VPS41: variants seen among roughly 807,000 people sequenced by gnomAD.
The protein encoded by VPS41 is vacuolar protein sorting-associated protein 41 homolog.
A neutral mutation model predicts 130.9 loss-of-function variants in VPS41; 85 were observed. That is an observed-to-expected ratio of 0.65 (90% CI 0.55 to 0.78). The LOEUF (loss-of-function observed/expected upper bound fraction) is 0.78, where lower values mean the gene tolerates loss of function less well. Ranked by LOEUF, VPS41 falls within the 30% of genes least tolerant of loss-of-function variation. VPS41 has a pLI of 0.00. For synonymous variants in VPS41, 335 were observed against 332.9 expected (o/e 1.01, Z -0.07); for missense variants, 874 against 1,018.7 (o/e 0.86, Z 1.93).
intron 2 of VPS41, among the ~76,000 whole-genome samples, chr7:38,879,093 T>C (rs572828973): frequency 1.3e-5 from 2 of 152,180 alleles, no homozygotes; most frequent in Non-Finnish European, 2.9e-5. Context: ...AACTCAGCCC[T>C]GAAGACATGC....
chr7:38,885,772 T>C (rs928397018), intron 2 of VPS41, among the ~76,000 whole-genome samples: 9 of 152,076 alleles, frequency 5.9e-5, no homozygotes, highest in Admixed American at 3.3e-4. Flanking sequence ...ATTAGAAAAA[T>C]GTTTCAACAA....
chr7:38,798,285 AC>A (rs1784658916), intron 7 of VPS41, among the ~76,000 whole-genome samples: 1 of 151,980 alleles, frequency 6.6e-6, no homozygotes, highest in Non-Finnish European at 1.5e-5. Context: ...GCAGCTAAAA[AC>A]AATTATTTTT....
chr7:38,873,827 T>C (rs1786428116), intron 2 of VPS41, among the ~76,000 whole-genome samples: 1 of 152,188 alleles, frequency 6.6e-6, no homozygotes, highest in Admixed American at 6.5e-5. Flanking sequence ...AAAATAAATG[T>C]CACATCATGG....
intron 27 of VPS41, chr7:38,728,318 C>T (rs1200766389): frequency 2.9e-6 from 2 of 689,908 alleles, no homozygotes; most frequent in Non-Finnish European, 5.2e-6. Context: ...TTCCAATAAG[C>T]CTGCCAGGTG....
intron 22 of VPS41, among the ~76,000 whole-genome samples, chr7:38,748,281 T>C (rs528806374): frequency 1.3e-5 from 2 of 152,090 alleles, no homozygotes; most frequent in Non-Finnish European, 2.9e-5. Context: ...AGAATAATAA[T>C]AGAACTTGAG....
chr7:38,818,891 T>C (rs901848827), intron 6 of VPS41, among the ~76,000 whole-genome samples: 2 of 152,196 alleles, frequency 1.3e-5, no homozygotes, highest in African/African-American at 2.4e-5. Flanking sequence ...TAGATTCCTC[T>C]TCCTACAATG....
chr7:38,808,611 G>A (rs1784882152), intron 7 of VPS41, among the ~76,000 whole-genome samples: 2 of 152,306 alleles, frequency 1.3e-5, no homozygotes, highest in East Asian at 1.9e-4. Flanking sequence ...TCTTAAAAAT[G>A]TTCAGACGAT....
intron 16 of VPS41, among the ~76,000 whole-genome samples, chr7:38,764,426 G>A (rs970889688): frequency 1.3e-5 from 2 of 152,134 alleles, no homozygotes; most frequent in African/African-American, 2.4e-5. Flanking sequence ...GGTCTTGAGA[G>A]GAATTCTGAT....
intron 10 of VPS41, among the ~76,000 whole-genome samples, chr7:38,787,422 T>C (rs1007100291): frequency 6.6e-6 from 1 of 152,154 alleles, no homozygotes; most frequent in African/African-American, 2.4e-5. Context: ...CATAATCTAT[T>C]TTTAACAATG....
intron 13 of VPS41, among the ~76,000 whole-genome samples, chr7:38,771,584 G>A (rs562575829): frequency 6.6e-6 from 1 of 151,982 alleles, no homozygotes; most frequent in African/African-American, 2.4e-5. Context: ...ATACAACAAA[G>A]TCTCCTAGTC....
chr7:38,858,350 G>T (rs1041362776), intron 4 of VPS41, among the ~76,000 whole-genome samples: 2 of 152,158 alleles, frequency 1.3e-5, no homozygotes, highest in Non-Finnish European at 2.9e-5. Context: ...ACACTACAAA[G>T]AGTCTGTTTT....
rs1203662007 is a variant in VPS41 at position 38,854,340 on chromosome 7, C to T, written c.246+8205G>A. Among the ~76,000 whole-genome samples the T allele has an allele frequency of 3.9e-5, 6 of 152,090 alleles. No individual in the cohort carries two copies. In the East Asian group the frequency reaches 5.8e-4, roughly 15 times the overall value. On this transcript the variant is annotated intron_variant, in intron 4 of 28. Coordinates refer to ENST00000310301, the MANE Select transcript of VPS41 (RefSeq NM_014396.4). ...ACTACAGATGGTATTTGCTTCAGGT[C>T]GATAAGTGAGTACCATTAGACCAAG...
Position 38,756,904 on chromosome 7 carries a change from G to A in VPS41, c.1629C>T (p.Ile543=). The A allele has an allele frequency of 6.3e-7, 1 of 1,599,970 alleles. No homozygotes were observed. The highest frequency in any genetic ancestry group is 1.3e-5 in the African/African-American group (1 of 74,750). ...TAGAACTGAAAAGATTATGCTTGTG[G>A]ATCAACTGAAAAACGTCTTTATGTC... is the stretch of plus-strand genomic sequence containing the variant. ...TLRHKDVFQL[I]HKHNLFSSIK... is the part of the protein sequence containing the mutation. The change falls in exon 19 of 29, where the codon ATC becomes ATT. Residue 543 remains isoleucine (I), a synonymous_variant. Transcript: ENST00000310301.
intron 4 of VPS41, among the ~76,000 whole-genome samples, chr7:38,840,202 G>C (rs1280754245): frequency 1.3e-5 from 2 of 152,114 alleles, no homozygotes; most frequent in Non-Finnish European, 2.9e-5. Flanking sequence ...CCTCAGCATT[G>C]ACAACAACGA....
chr7:38,882,420 G>A (rs1786633166), intron 2 of VPS41, among the ~76,000 whole-genome samples: 1 of 152,180 alleles, frequency 6.6e-6, no homozygotes, highest in Non-Finnish European at 1.5e-5. Context: ...CAGGAATCAG[G>A]CCTCTTTATC....
chr7:38,796,292 G>A (rs1453640734), intron 8 of VPS41: 1 of 332,528 alleles, frequency 3.0e-6, no homozygotes, highest in Non-Finnish European at 5.9e-6. Flanking sequence ...AAGTTAAAAT[G>A]CAGCACTGAA....
intron 7 of VPS41, among the ~76,000 whole-genome samples, chr7:38,802,194 C>T (rs1195535134): frequency 3.3e-5 from 5 of 152,160 alleles, no homozygotes; most frequent in African/African-American, 9.7e-5. Context: ...TTCAGAGACA[C>T]GAACTGGCCA....
Position 38,821,257 on chromosome 7 carries a change from T to C in VPS41, c.330A>G (p.Val110=), listed in dbSNP as rs1199374039. Residue 110 remains valine (V), a synonymous_variant, in exon 6 of 29, where the codon GTA becomes GTG. Transcript: ENST00000310301. ...GVCSEDGKVQ[V]FGLYSGEEFH... is the part of the protein sequence containing the mutation. ...ATTCTTCTCCAGAATACAGTCCAAA[T>C]ACCTGCACCTACAAAGAAAATGGAT... is the stretch of plus-strand genomic sequence containing the variant. The C allele has an allele frequency of 4.3e-6, 7 of 1,613,234 alleles. No homozygotes were observed. Among genetic ancestry groups the C allele is most frequent in the Non-Finnish European group, 5.9e-6 (7 of 1,179,418 alleles).
rs373175541 is a variant in VPS41, at chr7:38,852,515, A to T, written c.246+10030T>A. On this transcript the variant is annotated intron_variant, in intron 4 of 28. Coordinates refer to ENST00000310301, the MANE Select transcript of VPS41 (RefSeq NM_014396.4). ...AATCAAACCAACCTCTTGTGTGGGT[A>T]ACAAGAACTTCATGTCTTGAGTGGC... Among the ~76,000 whole-genome samples, 11 of 152,346 alleles carry T rather than the reference A, an allele frequency of 7.2e-5. No homozygotes were observed. In the East Asian group the frequency reaches 1.9e-3, roughly 27 times the overall value.
Sources: allele counts gnomAD v4.1 joint callset (sites outside exome capture counted in the v4.1 genomes callset), GRCh38; gene constraint gnomAD v4.1.1; transcripts MANE v1.5; gene names NCBI Gene and HGNC (gene_info 2026-07-23, HGNC 2026-07-21).